Variants in PTPRQ observed in about 807,000 individuals in gnomAD.
PTPRQ encodes phosphatidylinositol phosphatase PTPRQ.
PTPRQ carries 199 observed loss-of-function variants against 246.0 expected under a neutral mutation model. That is an observed-to-expected ratio of 0.81 (90% CI 0.72 to 0.91). PTPRQ has a LOEUF of 0.91. Among genes scored for constraint, PTPRQ ranks in the 40% least tolerant of loss-of-function variants. PTPRQ has a pLI of 0.00. For synonymous variants in PTPRQ, 869 were observed against 853.2 expected, an observed-to-expected ratio of 1.02 and a Z score of -0.32; for missense variants, 2,624 against 2,528.4, an observed-to-expected ratio of 1.04 and a Z score of -0.81.
intron 26 of PTPRQ, among the ~76,000 whole-genome samples, chr12:80,602,639 G>A (rs1265408946): frequency 6.6e-6 from 1 of 151,716 alleles, no homozygotes; most frequent in Non-Finnish European, 1.5e-5. Context: ...TTCACCATGG[G>A]AGGTATTCTC....
chr12:80,531,966 T>A (rs921236413), intron 17 of PTPRQ, among the ~76,000 whole-genome samples: 68 of 152,216 alleles, frequency 4.5e-4, no homozygotes, highest in African/African-American at 1.5e-3. Flanking sequence ...CTATTTGAGA[T>A]AAAAATTTAT....
rs767140042 is a variant in PTPRQ, at chr12:80,622,057, A to G, written c.5613-4A>G. ...GTGTTGATTTTTCTTTTTTTATTTT[A>G]TAGATTTAAATTTAGAGCTACAAAT... On this transcript the variant is annotated splice_region_variant and splice_polypyrimidine_tract_variant and intron_variant, in intron 32 of 44. Transcript: ENST00000644991. 2 of 1,378,728 alleles carry G rather than the reference A, an allele frequency of 1.5e-6. No individual in the cohort carries two copies. 85.4% of individuals were successfully genotyped at this position (1,378,728 alleles called of 1,614,324 possible).
At chr12:80,467,967 C>T (rs1318596462) in intron 6 of PTPRQ, among the ~76,000 whole-genome samples, 1 of 152,114 alleles carries the variant, frequency 6.6e-6, no homozygotes, top group Non-Finnish European at 1.5e-5. Flanking sequence ...TGTAACTAAC[C>T]TGCACGTTGT....
At chr12:80,570,677 G>A (rs915034017) in intron 25 of PTPRQ, among the ~76,000 whole-genome samples, 1 of 152,152 alleles carries the variant, frequency 6.6e-6, no homozygotes, top group African/African-American at 2.4e-5. Flanking sequence ...GTCCTGAATG[G>A]TATTGTGTAA....
intron 25 of PTPRQ, among the ~76,000 whole-genome samples, chr12:80,550,012 C>T (rs1004529532): frequency 4.6e-5 from 7 of 152,016 alleles, no homozygotes; most frequent in Non-Finnish European, 7.4e-5. Flanking sequence ...ATGAATTATG[C>T]TTTATTGTGA....
intron 26 of PTPRQ, among the ~76,000 whole-genome samples, chr12:80,592,780 C>T (rs986189356): frequency 1.3e-5 from 2 of 152,034 alleles, no homozygotes; most frequent in East Asian, 1.9e-4. Flanking sequence ...GAGGCTGATG[C>T]GGGCGGATCA....
At position 80,679,207 on chromosome 12, in the gene PTPRQ, T is replaced by C; in HGVS notation, c.*184T>C. On this transcript the variant is annotated 3_prime_UTR_variant, in exon 45 of 45. Coordinates refer to ENST00000644991, the MANE Select transcript of PTPRQ (RefSeq NM_001145026.2). ...TTGAAAATAGCTAATACAGAATAAT[T>C]ATTTGTTTTGTACAGAATAAATATT... 1 of 593,946 alleles carries C rather than the reference T, an allele frequency of 1.7e-6. No individual in the cohort carries two copies. The allele number at this position is 593,946 out of a possible 1,614,324, so 36.8% of individuals were successfully genotyped here. A position where few individuals can be genotyped will look rare whatever the true frequency, so the allele number is the denominator to read the frequency against.
Position 80,491,492 on chromosome 12 carries a change from C to T in PTPRQ, c.1360-1783C>T, listed in dbSNP as rs1417595732. On this transcript the variant is annotated intron_variant, in intron 9 of 44. Coordinates refer to ENST00000644991, the MANE Select transcript of PTPRQ (RefSeq NM_001145026.2). Reference sequence around the variant, plus strand: ...TCCCATACAAGGACATAGGAACAAACCCATATAGAGTTCCCTATCCATAGT... The same window carrying T: ...TCCCATACAAGGACATAGGAACAAATCCATATAGAGTTCCCTATCCATAGT... Among the ~76,000 whole-genome samples the T allele has an allele frequency of 2.0e-5, 3 of 151,892 alleles. No individual in the cohort carries two copies. In the East Asian group the frequency reaches 5.8e-4, roughly 29 times the overall value.
In PTPRQ at chr12:80,673,253, T is replaced by C. The variant is rs1901030836; in HGVS notation, c.6687T>C (p.Tyr2229=). The C allele has an allele frequency of 6.4e-7, 1 of 1,550,824 alleles. No individual in the cohort carries two copies. Among genetic ancestry groups the C allele is most frequent in the Non-Finnish European group, 8.7e-7 (1 of 1,146,406 alleles). The part of the protein sequence containing the change: ...HINDHDFVDI[Y]GLVAELRSER... Reference sequence around the variant, plus strand: ...ATGACCATGATTTTGTGGATATATATGGACTAGTAGCTGAACTGAGAAGTG... The same window carrying C: ...ATGACCATGATTTTGTGGATATATACGGACTAGTAGCTGAACTGAGAAGTG... Residue 2229 remains tyrosine, a synonymous_variant, in exon 43 of 45, where the codon TAT becomes TAC. Coordinates refer to ENST00000644991, the MANE Select transcript of PTPRQ (RefSeq NM_001145026.2).
Position 80,495,006 on chromosome 12 carries a change from T to C in PTPRQ, c.1614T>C (p.Pro538=). The C allele has an allele frequency of 4.5e-6, 7 of 1,550,514 alleles. No homozygotes were observed. The highest frequency in any genetic ancestry group is 1.2e-5 in the South Asian group (1 of 84,042). Residue 538 remains proline (P), a synonymous_variant, in exon 11 of 45, where the codon CCT becomes CCC. Transcript: ENST00000644991. ...QLSYVIRRLV[P]FTEHMISVSA... ...CTTATGTTATCAGGAGACTTGTACC[T>C]TTCACTGAGCACATGATTAGTGTAT...
chr12:80,492,137 C>T (rs936787576), intron 9 of PTPRQ, among the ~76,000 whole-genome samples: 1 of 151,862 alleles, frequency 6.6e-6, no homozygotes, highest in Non-Finnish European at 1.5e-5. Context: ...TAATAAGCCT[C>T]CATATACCTG....
intron 23 of PTPRQ, among the ~76,000 whole-genome samples, chr12:80,545,069 T>C (rs1467758432): frequency 6.6e-6 from 1 of 152,168 alleles, no homozygotes; most frequent in Admixed American, 6.5e-5. Context: ...TATTCTCTTA[T>C]TATTATGCCC....
At chr12:80,651,745 C>A (rs1244471913) in intron 37 of PTPRQ, among the ~76,000 whole-genome samples, 2 of 151,870 alleles carry the variant, frequency 1.3e-5, no homozygotes, top group Non-Finnish European at 2.9e-5. Context: ...CACCTTTTTT[C>A]TCCCTTCTTT....
intron 33 of PTPRQ, among the ~76,000 whole-genome samples, chr12:80,625,277 G>C (rs1565826255): frequency 6.6e-6 from 1 of 152,104 alleles, no homozygotes; most frequent in Non-Finnish European, 1.5e-5. Flanking sequence ...TTTGCAGCAG[G>C]CTAGGGACTC....
intron 8 of PTPRQ, among the ~76,000 whole-genome samples, chr12:80,472,565 T>A (rs1423495090): frequency 6.6e-6 from 1 of 152,180 alleles, no homozygotes; most frequent in Admixed American, 6.5e-5. Flanking sequence ...TTAGTATGGT[T>A]TAACTACATT....
At chr12:80,483,988 T>TTTGA (rs72150554) in intron 8 of PTPRQ, among the ~76,000 whole-genome samples, 1 of 5,368 alleles carries the variant, frequency 1.9e-4, no homozygotes, top group African/African-American at 1.3e-3. Context: ...TTTCTTGTTT[T>TTTGA]TTGTTTGTTT....
chr12:80,616,609 C>T (rs1766930132), intron 30 of PTPRQ, among the ~76,000 whole-genome samples: 1 of 150,994 alleles, frequency 6.6e-6, no homozygotes, highest in Non-Finnish European at 1.5e-5. Context: ...TATCATTAGA[C>T]TTTGACTAGG....
intron 3 of PTPRQ, among the ~76,000 whole-genome samples, chr12:80,449,588 A>T (rs1487260677): frequency 6.6e-6 from 1 of 151,864 alleles, no homozygotes; most frequent in Non-Finnish European, 1.5e-5. Context: ...TCAGCTTTCT[A>T]CATATGGCTA....
At chr12:80,500,176 T>C (rs1445249233) in intron 14 of PTPRQ, among the ~76,000 whole-genome samples, 1 of 152,178 alleles carries the variant, frequency 6.6e-6, no homozygotes, top group Non-Finnish European at 1.5e-5. Flanking sequence ...CTTCCCTTTT[T>C]TACTATCATC....
Sources: gnomAD v4.1 joint callset for allele counts (sites outside exome capture counted in the v4.1 genomes callset) on GRCh38, gnomAD v4.1.1 for gene constraint, MANE v1.5 for transcripts, NCBI Gene and HGNC (gene_info 2026-07-23, HGNC 2026-07-21) for gene names.